The following PKHD1 variants were observed in gnomAD, a reference collection of about 807,000 sequenced individuals.
PKHD1 encodes fibrocystin.
Under a neutral mutation model 412.0 loss-of-function variants are expected in PKHD1, and 291 were observed. That is an observed-to-expected ratio of 0.71 (90% CI 0.64 to 0.78). PKHD1 has a LOEUF of 0.78. Ranked by LOEUF, PKHD1 falls within the 30% of genes least tolerant of loss-of-function variation. The pLI is 0.00. For missense variants in PKHD1, 4,825 were observed against 4,950.7 expected (o/e 0.97, Z 0.76); for synonymous variants, 1,777 against 1,821.5 (o/e 0.98, Z 0.62).
intron 50 of PKHD1, among the ~76,000 whole-genome samples, chr6:51,842,372 A>G (rs1770365973): frequency 6.6e-6 from 1 of 152,092 alleles, no homozygotes; most frequent in Non-Finnish European, 1.5e-5. Context: ...GGCTGTGTTT[A>G]ATGCACCCTG....
chr6:52,018,469 C>G (rs1275077774), intron 33 of PKHD1, among the ~76,000 whole-genome samples: 1 of 152,194 alleles, frequency 6.6e-6, no homozygotes, highest in African/African-American at 2.4e-5. Context: ...TGGCATTTCA[C>G]TGTCGTCTTA....
chr6:51,805,721 G>A (rs1158124408), intron 52 of PKHD1, among the ~76,000 whole-genome samples: 1 of 152,004 alleles, frequency 6.6e-6, no homozygotes, highest in East Asian at 1.9e-4. Flanking sequence ...AATGAAAGAG[G>A]GAAATTACAC....
At chr6:51,826,546 T>A (rs1730974795) in intron 52 of PKHD1, among the ~76,000 whole-genome samples, 1 of 152,220 alleles carries the variant, frequency 6.6e-6, no homozygotes, top group Admixed American at 6.5e-5. Flanking sequence ...CTATTCTTTA[T>A]GAAGGTTTGA....
At chr6:51,882,952 AG>A in intron 46 of PKHD1, 140 bp downstream of exon 46, 1 of 700,078 alleles carries the variant, frequency 1.4e-6, no homozygotes, top group Non-Finnish European at 2.5e-6. Flanking sequence ...ACAAATAAAA[AG>A]GTCTTTTAAC....
intron 10 of PKHD1, 105 bp from the exon 11 acceptor site, chr6:52,069,632 C>G: frequency 1.2e-6 from 1 of 835,210 alleles, no homozygotes; most frequent in Non-Finnish European, 2.1e-6. Context: ...CTCTATTGAT[C>G]TTTAGAACAG....
At chr6:52,063,569 T>C (rs1408036106) in intron 13 of PKHD1, among the ~76,000 whole-genome samples, 1 of 152,230 alleles carries the variant, frequency 6.6e-6, no homozygotes, top group Non-Finnish European at 1.5e-5. Flanking sequence ...GAGCATATTT[T>C]GAAAATATTA....
chr6:52,043,912 C>G (rs1805348380), intron 25 of PKHD1, among the ~76,000 whole-genome samples, 182 bp from the exon 26 acceptor site: 1 of 152,116 alleles, frequency 6.6e-6, no homozygotes, highest in Non-Finnish European at 1.5e-5. Flanking sequence ...ACACATGAAG[C>G]TTTCTTAAAA....
At chr6:51,762,576 A>G (rs779867484) in intron 55 of PKHD1, among the ~76,000 whole-genome samples, 6 of 151,982 alleles carry the variant, frequency 3.9e-5, no homozygotes, top group Admixed American at 1.3e-4. Flanking sequence ...ACTTTGGTTG[A>G]TTGTGTAAGA....
At chr6:51,857,036 A>G (rs1773419744) in intron 48 of PKHD1, among the ~76,000 whole-genome samples, 2 of 152,350 alleles carry the variant, frequency 1.3e-5, no homozygotes, top group East Asian at 3.9e-4. Context: ...AGCAAAAGCA[A>G]TATGTGAGTA....
At chr6:51,945,236 G>A (rs997127262) in intron 36 of PKHD1, among the ~76,000 whole-genome samples, 5 of 152,098 alleles carry the variant, frequency 3.3e-5, no homozygotes, top group Admixed American at 6.5e-5. Context: ...CAGGACTGCC[G>A]CATTGTAAAT....
intron 36 of PKHD1, among the ~76,000 whole-genome samples, chr6:51,944,903 G>A (rs1789222526): frequency 6.6e-6 from 1 of 152,122 alleles, no homozygotes; most frequent in Non-Finnish European, 1.5e-5. Context: ...TCTGTTACTG[G>A]TCCTTTTGAA....
chr6:51,690,646 C>T (rs1582106161), intron 60 of PKHD1, among the ~76,000 whole-genome samples: 2 of 152,116 alleles, frequency 1.3e-5, no homozygotes, highest in South Asian at 4.1e-4. Context: ...CCTTCCTTCA[C>T]CATATACGAA....
rs568528621 is a variant in PKHD1, at chr6:51,739,073, A to AT, written c.10156+5311dup. On this transcript the variant is annotated intron_variant, in intron 60 of 66. Coordinates refer to ENST00000371117, the MANE Select transcript of PKHD1 (RefSeq NM_138694.4). Reference sequence around the variant, plus strand: ...TATTTTATATATACGTATTTTATATATTTTTTATATATTTTAATATGTATT... The same window carrying AT: ...TATTTTATATATACGTATTTTATATATTTTTTTATATATTTTAATATGTATT... Among the ~76,000 whole-genome samples the AT allele has an allele frequency of 8.1e-5, 12 of 147,298 alleles. No homozygotes were observed. The East Asian group carries it at 2.3e-3, about 29-fold the overall frequency.
At chr6:52,006,736 G>A (rs1424489423) in intron 35 of PKHD1, among the ~76,000 whole-genome samples, 1 of 152,054 alleles carries the variant, frequency 6.6e-6, no homozygotes, top group East Asian at 1.9e-4. Context: ...GATGGCATTT[G>A]GTTACATGAG....
chr6:51,860,600 G>A (rs1774028089), intron 48 of PKHD1, among the ~76,000 whole-genome samples: 2 of 152,040 alleles, frequency 1.3e-5, no homozygotes, highest in South Asian at 2.1e-4. Context: ...TCATTACTAG[G>A]GGAAGAAGTC....
intron 49 of PKHD1, among the ~76,000 whole-genome samples, chr6:51,848,751 C>T (rs1771659787): frequency 6.6e-6 from 1 of 152,114 alleles, no homozygotes; most frequent in Non-Finnish European, 1.5e-5. Flanking sequence ...GGGCTTCTGT[C>T]TCCCTAAGAT....
intron 52 of PKHD1, among the ~76,000 whole-genome samples, chr6:51,798,053 A>C (rs1174929588): frequency 3.9e-5 from 6 of 152,102 alleles, no homozygotes; most frequent in Non-Finnish European, 7.4e-5. Flanking sequence ...TTTCACTTTC[A>C]GTTATGAAGC....
At chr6:51,629,533 G>C (rs146931537) in intron 65 of PKHD1, among the ~76,000 whole-genome samples, 12 of 152,006 alleles carry the variant, frequency 7.9e-5, no homozygotes, top group African/African-American at 2.9e-4. Flanking sequence ...GGATAGGCAT[G>C]ATCAAGAAGG....
At chr6:51,750,920 G>A (rs1786013660) in intron 57 of PKHD1, among the ~76,000 whole-genome samples, 1 of 152,006 alleles carries the variant, frequency 6.6e-6, no homozygotes, top group Admixed American at 6.6e-5. Flanking sequence ...GGGACTACAG[G>A]TGCATGCCAC....
Sources: allele counts gnomAD v4.1 joint callset (sites outside exome capture counted in the v4.1 genomes callset), GRCh38; gene constraint gnomAD v4.1.1; transcripts MANE v1.5; gene names NCBI Gene and HGNC (gene_info 2026-07-23, HGNC 2026-07-21).